RAB11FIP4: variants seen among roughly 807,000 people sequenced by gnomAD.
The protein encoded by RAB11FIP4 is RAB11 family interacting protein 4, also known as rab11 family-interacting protein 4.
A neutral mutation model predicts 74.3 loss-of-function variants in RAB11FIP4; 23 were observed. The ratio of observed to expected loss-of-function variants is 0.31; its 90% CI spans 0.22 to 0.44. The LOEUF (loss-of-function observed/expected upper bound fraction) is 0.44, where lower values mean the gene tolerates loss of function less well. RAB11FIP4 is among the 20% of genes least tolerant of loss of function. The pLI, the probability that RAB11FIP4 is intolerant of heterozygous loss-of-function variation, is 1.00. For missense variants in RAB11FIP4, 630 were observed against 863.9 expected (o/e 0.73, Z 3.39); for synonymous variants, 360 against 359.9 (o/e 1.00, Z 0.00).
Position 31,517,744 on chromosome 17 carries a change from C to T in RAB11FIP4, c.430C>T (p.Leu144=). Residue 144 remains leucine (L), a synonymous_variant, in exon 4 of 15, where the codon CTG becomes TTG. Coordinates refer to ENST00000621161, the MANE Select transcript of RAB11FIP4 (RefSeq NM_032932.6). The part of the protein sequence containing the change: ...FPEDEEEAMT[L]APPEGPQELY... ...CGAGGACGAGGAGGAGGCTATGACGCTGGCGCCACCTGAGGGCCCCCAGGA... is the reference window on the plus strand; with the variant it reads ...CGAGGACGAGGAGGAGGCTATGACGTTGGCGCCACCTGAGGGCCCCCAGGA... The T allele has an allele frequency of 6.3e-7, 1 of 1,586,556 alleles. No individual in the cohort carries two copies. Among genetic ancestry groups the T allele is most frequent in the Non-Finnish European group, 8.6e-7 (1 of 1,166,638 alleles).
chr17:31,416,387 C>T (rs983613927), intron 1 of RAB11FIP4, among the ~76,000 whole-genome samples: 9 of 152,190 alleles, frequency 5.9e-5, no homozygotes, highest in Non-Finnish European at 1.3e-4. Context: ...GCTCAGGGTG[C>T]AGGAACTGGA....
chr17:31,473,625 G>A (rs1279096209), intron 3 of RAB11FIP4, among the ~76,000 whole-genome samples: 1 of 152,182 alleles, frequency 6.6e-6, no homozygotes, highest in Non-Finnish European at 1.5e-5. Context: ...GGGAAAAGAA[G>A]GTGAGAAGGA....
intron 3 of RAB11FIP4, among the ~76,000 whole-genome samples, chr17:31,445,571 TATATATA>T (rs1372971584): frequency 2.4e-3 from 27 of 11,374 alleles, no homozygotes; most frequent in East Asian, 0.011. Context: ...TATATATATA[TATATATA>T]TTTTTTTTTT....
At chr17:31,530,734 C>A (rs773118177) in intron 14 of RAB11FIP4, among the ~76,000 whole-genome samples, 1 of 152,196 alleles carries the variant, frequency 6.6e-6, no homozygotes, top group Non-Finnish European at 1.5e-5. Context: ...AGAAAAATGC[C>A]AACATAGCCA....
At chr17:31,444,357 C>CA (rs1555544266) in intron 3 of RAB11FIP4, among the ~76,000 whole-genome samples, 4 of 148,328 alleles carry the variant, frequency 2.7e-5, no homozygotes, top group South Asian at 2.2e-4. Context: ...ACACCCCCCC[C>CA]ACCCTTCTAA....
chr17:31,504,128 ACTT>A (rs1315440864), intron 3 of RAB11FIP4, among the ~76,000 whole-genome samples: 45 of 141,066 alleles, frequency 3.2e-4, no homozygotes, highest in Non-Finnish European at 6.6e-4. Flanking sequence ...GTTTACTACT[ACTT>A]CTTTTTTTTT....
chr17:31,411,943 C>T (rs748849306), intron 1 of RAB11FIP4, among the ~76,000 whole-genome samples: 3 of 152,234 alleles, frequency 2.0e-5, no homozygotes, highest in Non-Finnish European at 4.4e-5. Context: ...TTGCCTCAGT[C>T]GGGGCTCTGG....
intron 1 of RAB11FIP4, among the ~76,000 whole-genome samples, chr17:31,419,813 G>A (rs1261224585): frequency 1.3e-5 from 2 of 152,150 alleles, no homozygotes; most frequent in Non-Finnish European, 2.9e-5. Context: ...GCCTCCCAAA[G>A]TGCTGGGATT....
intron 3 of RAB11FIP4, among the ~76,000 whole-genome samples, chr17:31,456,332 A>G (rs1029889685): frequency 1.3e-5 from 2 of 152,112 alleles, no homozygotes; most frequent in Non-Finnish European, 2.9e-5. Context: ...TCAGCCTCCC[A>G]GGTAGCTGGG....
intron 13 of RAB11FIP4, among the ~76,000 whole-genome samples, chr17:31,529,855 C>T (rs2142833072): frequency 6.6e-6 from 1 of 152,352 alleles, no homozygotes; most frequent in East Asian, 1.9e-4. Context: ...TAGGCAAAAG[C>T]TGGAGTGTGA....
chr17:31,454,221 CA>C (rs2071556443), intron 3 of RAB11FIP4, among the ~76,000 whole-genome samples: 1 of 152,196 alleles, frequency 6.6e-6, no homozygotes, highest in Admixed American at 6.5e-5. Context: ...TGCTACATTC[CA>C]TTTCCTGACC....
At chr17:31,405,267 G>T (rs1380333032) in intron 1 of RAB11FIP4, among the ~76,000 whole-genome samples, 3 of 152,172 alleles carry the variant, frequency 2.0e-5, no homozygotes, top group African/African-American at 7.2e-5. Context: ...TCCATGACTG[G>T]GTGCTGGAGC....
At chr17:31,523,833 A>C in intron 8 of RAB11FIP4, 60 bp from the exon 9 acceptor site, 1 of 1,311,090 alleles carries the variant, frequency 7.6e-7, no homozygotes, top group East Asian at 2.4e-5. Context: ...CATGGCGTCG[A>C]GGTTCTCGGT....
chr17:31,433,653 A>C (rs557508675), intron 2 of RAB11FIP4, among the ~76,000 whole-genome samples: 1 of 152,296 alleles, frequency 6.6e-6, no homozygotes, highest in East Asian at 1.9e-4. Context: ...GGGGGCGCCC[A>C]GCCTCGGAGG....
chr17:31,513,488 C>T (rs963383046), intron 3 of RAB11FIP4, among the ~76,000 whole-genome samples: 2 of 152,290 alleles, frequency 1.3e-5, no homozygotes, highest in South Asian at 4.1e-4. Context: ...CCAGACCCTT[C>T]CCCAGAGGGC....
rs1555540632 is a variant in RAB11FIP4 at position 31,396,193 on chromosome 17, A to AAAAG, written c.159+4185_159+4186insGAAA. 3.8e-3 allele frequency among the ~76,000 whole-genome samples: 476 copies of AAAAG among 124,824 alleles called. 2 individuals are homozygous for AAAAG. Among genetic ancestry groups the AAAAG allele is most frequent in the African/African-American group, 0.011 (447 of 39,360 alleles). 81.9% of individuals were successfully genotyped at this position (124,824 alleles called of 152,430 possible). A position where few individuals can be genotyped will look rare whatever the true frequency, so the allele number is the denominator to read the frequency against. On this transcript the variant is annotated intron_variant, in intron 1 of 14. Transcript: ENST00000621161. ...AGTGAGACCCTGCCACAAAAAAAAA[A>AAAAG]AAAAGAAAAGAAAAGAAAAGAAAAG...
chr17:31,407,259 A>G (rs2071052076), intron 1 of RAB11FIP4, among the ~76,000 whole-genome samples: 1 of 151,730 alleles, frequency 6.6e-6, no homozygotes, highest in Admixed American at 6.6e-5. Flanking sequence ...ATGTTACTCA[A>G]GCTTGTCTTG....
chr17:31,414,406 C>T (rs535204682), intron 1 of RAB11FIP4, among the ~76,000 whole-genome samples: 10 of 152,232 alleles, frequency 6.6e-5, no homozygotes, highest in South Asian at 6.2e-4. Flanking sequence ...GCAAAAGGAA[C>T]GGACAGATGG....
In RAB11FIP4 at chr17:31,533,045, T is replaced by G. The variant is rs1286138449; in HGVS notation, c.*1313T>G. The stretch of plus-strand genomic sequence containing the variant: ...TCCAAATATATATAAACGTGTGTGG[T>G]CTTATTCTTCCCCCTGCAGTTTCTT... On this transcript the variant is annotated 3_prime_UTR_variant, in exon 15 of 15. Transcript: ENST00000621161. 6.6e-6 allele frequency: 1 copy of G among 152,172 alleles called. No homozygotes were observed. Among genetic ancestry groups the G allele is most frequent in the Non-Finnish European group, 1.5e-5 (1 of 68,034 alleles). The allele number at this position is 152,172 out of a possible 1,614,324, so 9.4% of individuals were successfully genotyped here. A position where few individuals can be genotyped will look rare whatever the true frequency, so the allele number is the denominator to read the frequency against.
Sources: gnomAD v4.1 joint callset for allele counts (sites outside exome capture counted in the v4.1 genomes callset) on GRCh38, gnomAD v4.1.1 for gene constraint, MANE v1.5 for transcripts, NCBI Gene and HGNC (gene_info 2026-07-23, HGNC 2026-07-21) for gene names.